PTPN13: variants seen among roughly 807,000 people sequenced by gnomAD.
PTPN13 encodes the protein tyrosine-protein phosphatase non-receptor type 13.
Under a neutral mutation model 284.0 loss-of-function variants are expected in PTPN13, and 191 were observed. The observed-to-expected ratio is 0.67, with a 90% CI of 0.60 to 0.76. The LOEUF (loss-of-function observed/expected upper bound fraction) is 0.76, where lower values mean the gene tolerates loss of function less well. PTPN13 is among the 30% of genes least tolerant of loss of function. The probability of loss-of-function intolerance (pLI) is 0.00; values close to 1 mark genes in which losing one functional copy is unlikely to be tolerated. For synonymous variants in PTPN13, 986 were observed against 1,022.3 expected, an observed-to-expected ratio of 0.96 and a Z score of 0.68; for missense variants, 2,797 against 2,939.9, an observed-to-expected ratio of 0.95 and a Z score of 1.12.
chr4:86,694,023 C>T (rs932426104), intron 6 of PTPN13, among the ~76,000 whole-genome samples: 2 of 151,470 alleles, frequency 1.3e-5, no homozygotes, highest in Non-Finnish European at 2.9e-5. Context: ...TGTTTATGAA[C>T]ATAAACACTA....
At chr4:86,763,959 C>T (rs1738996447) in intron 24 of PTPN13, among the ~76,000 whole-genome samples, 1 of 152,050 alleles carries the variant, frequency 6.6e-6, no homozygotes, top group Admixed American at 6.6e-5. Flanking sequence ...CAAATTTAAA[C>T]TCAAATTCAC....
chr4:86,798,497 G>A (rs1013576100), intron 41 of PTPN13, among the ~76,000 whole-genome samples: 1 of 152,140 alleles, frequency 6.6e-6, no homozygotes, highest in Admixed American at 6.5e-5. Context: ...AGGCTTTTAC[G>A]TAATCCTTTT....
chr4:86,675,972 T>A (rs1263438212), intron 3 of PTPN13, among the ~76,000 whole-genome samples: 1 of 152,174 alleles, frequency 6.6e-6, no homozygotes, highest in Non-Finnish European at 1.5e-5. Flanking sequence ...AGTCTAAATA[T>A]CAAGAATTAT....
At chr4:86,809,746 C>T (rs759323650) in intron 45 of PTPN13, 23 bp from the exon 46 acceptor site, 2 of 1,589,416 alleles carry the variant, frequency 1.3e-6, no homozygotes, top group Non-Finnish European at 1.7e-6. Flanking sequence ...TCATGATCCA[C>T]TTATTCTGTT....
rs1450062423 is a variant in PTPN13, at chr4:86,765,491, A to T, written c.4243+3A>T. Reference sequence around the variant, plus strand: ...GTCTGATGGTAGAATTCACAAAGGTATAGTGTTTATATTATGTGGGAATTA... The same window carrying T: ...GTCTGATGGTAGAATTCACAAAGGTTTAGTGTTTATATTATGTGGGAATTA... On this transcript the variant is annotated splice_donor_region_variant and intron_variant, in intron 26 of 47. Transcript: ENST00000411767. 1 of 1,559,684 alleles carries T rather than the reference A, an allele frequency of 6.4e-7. No individual in the cohort carries two copies. Among genetic ancestry groups the T allele is most frequent in the East Asian group, 2.3e-5 (1 of 42,672 alleles).
At chr4:86,684,787 G>A (rs1031463780) in intron 3 of PTPN13, among the ~76,000 whole-genome samples, 3 of 152,098 alleles carry the variant, frequency 2.0e-5, no homozygotes, top group Non-Finnish European at 2.9e-5. Context: ...GCTGCAAAAC[G>A]AAACAACAAC....
At chr4:86,770,316 GT>G in intron 30 of PTPN13, 117 bp downstream of exon 30, 2 of 857,040 alleles carry the variant, frequency 2.3e-6, no homozygotes, top group Non-Finnish European at 3.7e-6. Context: ...CTAGCTACTT[GT>G]TTTAGGTAGG....
chr4:86,796,134 G>A (rs561272654), intron 40 of PTPN13, among the ~76,000 whole-genome samples: 5 of 152,072 alleles, frequency 3.3e-5, no homozygotes, highest in Non-Finnish European at 7.4e-5. Flanking sequence ...CTCAGTTAAA[G>A]TATGAGTTGA....
intron 1 of PTPN13, among the ~76,000 whole-genome samples, chr4:86,600,410 A>G (rs1000512967): frequency 3.4e-5 from 2 of 59,364 alleles, no homozygotes; most frequent in African/African-American, 1.2e-4. Context: ...GGTAGATGGT[A>G]TTTTTTTTTT....
intron 10 of PTPN13, 52 bp downstream of exon 10, chr4:86,722,486 T>C (rs2149091784): frequency 6.7e-7 from 1 of 1,485,882 alleles, no homozygotes; most frequent in South Asian, 1.2e-5. Context: ...CACAGGGAAC[T>C]CTTGGGCAAA....
At position 86,775,286 on chromosome 4, in the gene PTPN13, C is replaced by G. The variant is rs1310991040; in HGVS notation, c.5624C>G (p.Pro1875Arg). The change falls in exon 34 of 48, where the codon CCA becomes CGA. Residue 1875 changes from proline to arginine, a missense_variant. Transcript: ENST00000411767. Reference protein sequence around the residue: ...IGRVLELPRIPMLPHLLPDIT... With the variant: ...IGRVLELPRIRMLPHLLPDIT... ...CGAGTTCTAGAATTACCCAGAATACCAATGTTGCCTCATTTGCTACCGGAC... is the reference window on the plus strand; with the variant it reads ...CGAGTTCTAGAATTACCCAGAATACGAATGTTGCCTCATTTGCTACCGGAC... 1.2e-6 allele frequency: 2 copies of G among 1,613,586 alleles called. No individual in the cohort carries two copies. Among genetic ancestry groups the G allele is most frequent in the Non-Finnish European group, 1.7e-6 (2 of 1,179,708 alleles).
intron 2 of PTPN13, among the ~76,000 whole-genome samples, chr4:86,665,068 A>AT (rs1726906558): frequency 6.6e-6 from 1 of 152,186 alleles, no homozygotes. Flanking sequence ...GATTGTCTGT[A>AT]TATCACTTGT....
chr4:86,771,283 G>C lies in PTPN13; in HGVS notation c.4916G>C (p.Ser1639Thr). 2 of 1,605,824 alleles carry C rather than the reference G, an allele frequency of 1.2e-6. No individual in the cohort carries two copies. Among genetic ancestry groups the C allele is most frequent in the South Asian group, 2.2e-5 (2 of 89,104 alleles). The change falls in exon 31 of 48, where the codon AGC becomes ACC. Residue 1639 changes from serine to threonine, a missense_variant. Physicochemically the swap from Ser to Thr is moderately conservative, Grantham distance 58. Transcript: ENST00000411767. ...SSDENEMSDK[S>T]KKQCKSPSRR... is the part of the protein sequence containing the mutation. ...GATGAAAATGAAATGTCAGACAAAA[G>C]CAAAAAACAGTGCAAGTCCCCATCC...
In PTPN13 at chr4:86,810,169, C is replaced by T. The variant is rs571490500; in HGVS notation, c.7299+185C>T. On this transcript the variant is annotated intron_variant, in intron 46 of 47. Coordinates refer to ENST00000411767, the MANE Select transcript of PTPN13 (RefSeq NM_080683.3). ...ACATTGGTATTCAAAACTACATAGA[C>T]CGTGATCAACAAAAAATAATACTTC... Among the ~76,000 whole-genome samples, 9 of 152,158 alleles carry T rather than the reference C, an allele frequency of 5.9e-5. No individual in the cohort carries two copies. The South Asian group carries it at 1.9e-3, about 32-fold the overall frequency.
At chr4:86,678,021 A>G (rs912318095) in intron 3 of PTPN13, among the ~76,000 whole-genome samples, 20 of 152,304 alleles carry the variant, frequency 1.3e-4, no homozygotes, top group African/African-American at 4.3e-4. Context: ...TTGGTTTGCA[A>G]TAAATGATAC....
At position 86,682,603 on chromosome 4, in the gene PTPN13, C is replaced by T. The variant is rs145003129; in HGVS notation, c.295-4107C>T. Reference sequence around the variant, plus strand: ...CTGTTTTTGAATAATCCTTCCTGTGCGTGACCTTCCTCCTTTCTACACAAT... The same window carrying T: ...CTGTTTTTGAATAATCCTTCCTGTGTGTGACCTTCCTCCTTTCTACACAAT... On this transcript the variant is annotated intron_variant, in intron 3 of 47. Transcript: ENST00000411767. Among the ~76,000 whole-genome samples, 853 of 152,128 alleles carry T rather than the reference C, an allele frequency of 5.6e-3. 10 individuals are homozygous for T. Among genetic ancestry groups the T allele is most frequent in the African/African-American group, 0.019 (806 of 41,496 alleles).
intron 3 of PTPN13, among the ~76,000 whole-genome samples, chr4:86,683,969 A>G (rs1729173045): frequency 2.0e-5 from 3 of 152,194 alleles, no homozygotes. Flanking sequence ...CTTAAAGAGA[A>G]ATATGATACA....
chr4:86,689,132 C>A lies in PTPN13; in HGVS notation c.488C>A (p.Ala163Glu). 6.2e-7 allele frequency: 1 copy of A among 1,613,630 alleles called. No individual in the cohort carries two copies. Among genetic ancestry groups the A allele is most frequent in the Non-Finnish European group, 8.5e-7 (1 of 1,179,608 alleles). ...CSAHIRNSNC[A>E]PSFSYVKHLV... ...GCCCACATTAGGAATAGCAATTGTG[C>A]ACCCTCATTTTCCTACGTGAAACAC... The change falls in exon 5 of 48, where the codon GCA (alanine) becomes GAA (glutamate). Residue 163 changes from alanine (A) to glutamate (E), a missense_variant. Ala to Glu is a moderately radical substitution (Grantham distance 107, BLOSUM62 -1). Coordinates refer to ENST00000411767, the MANE Select transcript of PTPN13 (RefSeq NM_080683.3).
intron 1 of PTPN13, among the ~76,000 whole-genome samples, chr4:86,596,921 A>C (rs189086135): frequency 2.0e-5 from 3 of 152,340 alleles, no homozygotes; most frequent in African/African-American, 7.2e-5. Context: ...AAACACAACC[A>C]TACTCCAAGC....
Sources: allele counts gnomAD v4.1 joint callset (sites outside exome capture counted in the v4.1 genomes callset), GRCh38; gene constraint gnomAD v4.1.1; transcripts MANE v1.5; gene names NCBI Gene and HGNC (gene_info 2026-07-23, HGNC 2026-07-21).